The following SCGB2B2 variants were observed in gnomAD, a reference collection of about 807,000 sequenced individuals.
SCGB2B2 encodes the protein secretoglobin family 2B member 2, also known as secretoglobin-like protein.
Under a neutral mutation model 7.6 loss-of-function variants are expected in SCGB2B2, and 11 were observed. The ratio of observed to expected loss-of-function variants is 1.45; its 90% CI spans 0.91 to 2.40. The LOEUF is 2.40. SCGB2B2 is among the 30% of genes most tolerant of loss of function. SCGB2B2 has a pLI of 0.00. For synonymous variants in SCGB2B2, 50 were observed against 48.6 expected, an observed-to-expected ratio of 1.03 and a Z score of -0.12; for missense variants, 104 against 115.4, an observed-to-expected ratio of 0.90 and a Z score of 0.45.
intron 1 of SCGB2B2, among the ~76,000 whole-genome samples, chr19:34,639,075 T>G (rs964899413): frequency 6.6e-6 from 1 of 152,202 alleles, no homozygotes. Context: ...CTTTTACTTT[T>G]TTTCCCCTAA....
chr19:34,603,261 A>C (rs2065682102), intron 1 of SCGB2B2, among the ~76,000 whole-genome samples: 1 of 152,158 alleles, frequency 6.6e-6, no homozygotes, highest in Admixed American at 6.5e-5. Flanking sequence ...AACATTTCAC[A>C]CCACCATTCA....
chr19:34,664,769 T>C (rs1040149570), intron 1 of SCGB2B2, among the ~76,000 whole-genome samples: 1 of 152,124 alleles, frequency 6.6e-6, no homozygotes, highest in Admixed American at 6.5e-5. Context: ...TCCCTTTCCC[T>C]GGCTCAGCCT....
At chr19:34,632,752 A>AT (rs2066569379) in intron 1 of SCGB2B2, 1 of 152,218 alleles carries the variant, frequency 6.6e-6, no homozygotes, top group South Asian at 2.1e-4. Flanking sequence ...TATTTTCTGT[A>AT]TTTTATGGTG....
At chr19:34,673,496 T>A (rs550129248) in intron 1 of SCGB2B2, among the ~76,000 whole-genome samples, 2 of 152,296 alleles carry the variant, frequency 1.3e-5, no homozygotes, top group Admixed American at 1.3e-4. Context: ...GCAAGTTTAT[T>A]AGAAGCTACA....
rs899671356 is a variant in SCGB2B2, at chr19:34,596,331, GCCTGGGCTGCAA to G, written c.-1780_-1769del. 69 of 152,448 alleles carry G rather than the reference GCCTGGGCTGCAA, an allele frequency of 4.5e-4. No individual in the cohort carries two copies. The highest frequency in any genetic ancestry group is 1.6e-3 in the African/African-American group (67 of 41,470). The allele number at this position is 152,448 out of a possible 1,614,324, so 9.4% of individuals were successfully genotyped here. ...CGTCCCTGCCACCTGTGGTCCTGCA[GCCTGGGCTGCAA>G]CCTGCGCAGTGCAGGCGTCCATGCG... is the stretch of plus-strand genomic sequence containing the variant. On this transcript the variant is annotated 5_prime_UTR_variant, in exon 2 of 4. Coordinates refer to ENST00000601241, the MANE Select transcript of SCGB2B2 (RefSeq NM_001025591.4).
chr19:34,594,631 T>C lies in SCGB2B2; in HGVS notation c.-68A>G. The C allele has an allele frequency of 4.9e-6, 6 of 1,227,284 alleles. No homozygotes were observed. The highest frequency in any genetic ancestry group is 7.2e-6 in the Non-Finnish European group (6 of 833,202). The allele number at this position is 1,227,284 out of a possible 1,614,324, so 76.0% of individuals were successfully genotyped here. On this transcript the variant is annotated 5_prime_UTR_variant, in exon 2 of 4. Transcript: ENST00000601241. ...GCGATGGGTGAGCTTTATGTATATCTGAACAAGGCACATGCCTCTTCGTGT... is the reference window on the plus strand; with the variant it reads ...GCGATGGGTGAGCTTTATGTATATCCGAACAAGGCACATGCCTCTTCGTGT...
intron 1 of SCGB2B2, among the ~76,000 whole-genome samples, chr19:34,620,675 G>C (rs1026529942): frequency 6.6e-6 from 1 of 152,188 alleles, no homozygotes; most frequent in African/African-American, 2.4e-5. Flanking sequence ...ATTTTAAAAA[G>C]TCAGATGAAT....
intron 1 of SCGB2B2, among the ~76,000 whole-genome samples, chr19:34,673,374 C>G (rs528281734): frequency 6.6e-6 from 1 of 152,278 alleles, no homozygotes; most frequent in South Asian, 2.1e-4. Context: ...TTTCTGCTAA[C>G]AATGCAAGTC....
chr19:34,604,418 C>T (rs893936691), intron 1 of SCGB2B2, among the ~76,000 whole-genome samples: 1 of 152,182 alleles, frequency 6.6e-6, no homozygotes, highest in Non-Finnish European at 1.5e-5. Flanking sequence ...TGAGCCCAAC[C>T]TACAGGAGTG....
chr19:34,653,110 G>A (rs2198903), intron 1 of SCGB2B2, among the ~76,000 whole-genome samples: 86,901 of 150,880 alleles, frequency 0.58, 26,317 homozygotes, highest in Middle Eastern at 0.69. Flanking sequence ...AGGTACAGAA[G>A]GATGAATCCT....
Position 34,654,778 on chromosome 19 carries a change from C to T in SCGB2B2, c.-2032+20852G>A, listed in dbSNP as rs1047862009. On this transcript the variant is annotated intron_variant, in intron 1 of 3. Coordinates refer to ENST00000601241, the MANE Select transcript of SCGB2B2 (RefSeq NM_001025591.4). ...TCAGCACTCCACATACCCTAGCCCC[C>T]AGCCCACCAAGAGTCTTTGAAAAAC... is the stretch of plus-strand genomic sequence containing the variant. Among the ~76,000 whole-genome samples, 5 of 151,042 alleles carry T rather than the reference C, an allele frequency of 3.3e-5. No homozygotes were observed. In the South Asian group the frequency reaches 1.0e-3, roughly 31 times the overall value.
chr19:34,645,095 A>T (rs1015175399), intron 1 of SCGB2B2, among the ~76,000 whole-genome samples: 4 of 152,186 alleles, frequency 2.6e-5, no homozygotes, highest in East Asian at 1.9e-4. Flanking sequence ...ACACAGGGAG[A>T]AACACACACA....
intron 1 of SCGB2B2, among the ~76,000 whole-genome samples, chr19:34,618,742 T>C (rs1568433120): frequency 1.3e-5 from 2 of 152,236 alleles, no homozygotes; most frequent in African/African-American, 4.8e-5. Flanking sequence ...CAAGCACATG[T>C]TATAATATTA....
chr19:34,616,986 A>AGAT (rs1321000817), intron 1 of SCGB2B2, among the ~76,000 whole-genome samples: 23 of 152,164 alleles, frequency 1.5e-4, no homozygotes, highest in African/African-American at 5.6e-4. Context: ...GTCAAAGATC[A>AGAT]GATAGTTGTA....
chr19:34,599,307 T>G (rs2065550391), intron 1 of SCGB2B2, among the ~76,000 whole-genome samples: 1 of 152,192 alleles, frequency 6.6e-6, no homozygotes, highest in Non-Finnish European at 1.5e-5. Flanking sequence ...GTCACATGGG[T>G]GCAGCTCGCC....
chr19:34,673,469 A>C (rs924798885), intron 1 of SCGB2B2, among the ~76,000 whole-genome samples: 1 of 152,218 alleles, frequency 6.6e-6, no homozygotes, highest in African/African-American at 2.4e-5. Flanking sequence ...GATGTGTCGC[A>C]GAGTGCAGTG....
At chr19:34,598,268 C>A (rs1449859752) in intron 1 of SCGB2B2, among the ~76,000 whole-genome samples, 2 of 152,140 alleles carry the variant, frequency 1.3e-5, no homozygotes, top group Non-Finnish European at 2.9e-5. Context: ...GTGTGCGGCA[C>A]ACTGGGCTGC....
chr19:34,650,663 C>T (rs938251625), intron 1 of SCGB2B2, among the ~76,000 whole-genome samples: 3 of 151,252 alleles, frequency 2.0e-5, no homozygotes, highest in Non-Finnish European at 4.4e-5. Flanking sequence ...CATTGCAGAA[C>T]TCAACCAAAC....
intron 1 of SCGB2B2, among the ~76,000 whole-genome samples, chr19:34,598,854 G>A (rs756387057): frequency 2.6e-5 from 4 of 152,226 alleles, no homozygotes; most frequent in Non-Finnish European, 5.9e-5. Flanking sequence ...GGACCCAGTG[G>A]TGTAGATGGG....
Sources: gnomAD v4.1 joint callset for allele counts (sites outside exome capture counted in the v4.1 genomes callset) on GRCh38, gnomAD v4.1.1 for gene constraint, MANE v1.5 for transcripts, NCBI Gene and HGNC (gene_info 2026-07-23, HGNC 2026-07-21) for gene names.